Variants in GAB1 observed in about 807,000 individuals in gnomAD.
GAB1 encodes the protein GRB2 associated binding protein 1.
Under a neutral mutation model 66.5 loss-of-function variants are expected in GAB1, and 19 were observed. That is an observed-to-expected ratio of 0.29 (90% CI 0.20 to 0.42). GAB1 has a LOEUF of 0.42. Ranked by LOEUF, GAB1 falls within the 10% of genes least tolerant of loss-of-function variation. GAB1 has a pLI of 1.00. For synonymous variants in GAB1, 294 were observed against 301.4 expected (o/e 0.98, Z 0.25); for missense variants, 732 against 858.5 (o/e 0.85, Z 1.84).
At chr4:143,370,797 T>C (rs908025419) in intron 1 of GAB1, among the ~76,000 whole-genome samples, 1 of 152,166 alleles carries the variant, frequency 6.6e-6, no homozygotes, top group Non-Finnish European at 1.5e-5. Flanking sequence ...GAACATGCAG[T>C]GTTTGGTTTT....
chr4:143,468,845 C>G (rs942310530), intron 9 of GAB1, among the ~76,000 whole-genome samples, 186 bp from the exon 10 acceptor site: 3 of 152,060 alleles, frequency 2.0e-5, no homozygotes, highest in African/African-American at 7.2e-5. Context: ...ATTGCTTGAA[C>G]CCAGGAGGCG....
intron 1 of GAB1, among the ~76,000 whole-genome samples, chr4:143,396,358 C>A (rs1731455204): frequency 6.6e-6 from 1 of 152,074 alleles, no homozygotes; most frequent in Non-Finnish European, 1.5e-5. Flanking sequence ...ATGTTATAAA[C>A]CTTGAAAATG....
intron 1 of GAB1, among the ~76,000 whole-genome samples, chr4:143,375,889 A>C (rs891165749): frequency 1.3e-5 from 2 of 152,076 alleles, no homozygotes; most frequent in African/African-American, 4.8e-5. Context: ...CTGTGACAAC[A>C]AAAATGTCTG....
intron 2 of GAB1, among the ~76,000 whole-genome samples, chr4:143,431,532 G>A (rs191466261): frequency 2.0e-5 from 3 of 152,266 alleles, no homozygotes; most frequent in African/African-American, 7.2e-5. Context: ...CTTTAGCTGC[G>A]CGAAGTGGTC....
chr4:143,378,990 G>A (rs73853825), intron 1 of GAB1, among the ~76,000 whole-genome samples: 4,223 of 152,164 alleles, frequency 0.028, 203 homozygotes, highest in African/African-American at 0.098. Context: ...CCGAAGCCAG[G>A]AACTAGATGT....
rs1736175426 is a variant in GAB1, at chr4:143,473,785, G to GT, written c.*4597dup. On this transcript the variant is annotated 3_prime_UTR_variant, in exon 10 of 10. Transcript: ENST00000262994. The stretch of plus-strand genomic sequence containing the variant: ...ACTTTATAAAATCCCAACAATTGCT[G>GT]TAAGTCAGCACTTTGGTCCACTCAG... 6.6e-6 allele frequency: 1 copy of GT among 152,150 alleles called. No homozygotes were observed. Among genetic ancestry groups the GT allele is most frequent in the Non-Finnish European group, 1.5e-5 (1 of 68,028 alleles). 9.4% of individuals were successfully genotyped at this position (152,150 alleles called of 1,614,324 possible).
intron 3 of GAB1, chr4:143,434,128 C>G: frequency 7.7e-7 from 1 of 1,291,646 alleles, no homozygotes; most frequent in Non-Finnish European, 1.0e-6. Context: ...AGAGGAATAC[C>G]TTCTACTAGA....
intron 1 of GAB1, among the ~76,000 whole-genome samples, chr4:143,367,384 A>G (rs572134378): frequency 1.3e-5 from 2 of 152,324 alleles, no homozygotes; most frequent in Non-Finnish European, 2.9e-5. Context: ...ATATTTATTT[A>G]TACAATATAC....
chr4:143,357,258 A>G (rs1039663013), intron 1 of GAB1, among the ~76,000 whole-genome samples: 1 of 152,176 alleles, frequency 6.6e-6, no homozygotes, highest in African/African-American at 2.4e-5. Flanking sequence ...GTTCAACTCT[A>G]TATAGTATAG....
rs1728679054 is a variant in GAB1, at chr4:143,337,155, A to C, written c.-34A>C. The C allele has an allele frequency of 1.9e-6, 3 of 1,551,982 alleles. No homozygotes were observed. Among genetic ancestry groups the C allele is most frequent in the Non-Finnish European group, 2.6e-6 (3 of 1,146,586 alleles). ...GTCGGGAGCGCGCCCGCCGCCCCTCAGCTGCCCGGCCCGGAGCCCGAGACG... is the reference window on the plus strand; with the variant it reads ...GTCGGGAGCGCGCCCGCCGCCCCTCCGCTGCCCGGCCCGGAGCCCGAGACG... On this transcript the variant is annotated 5_prime_UTR_variant, in exon 1 of 10. Coordinates refer to ENST00000262994, the MANE Select transcript of GAB1 (RefSeq NM_002039.4).
At position 143,474,451 on chromosome 4, in the gene GAB1, C is replaced by T. The variant is rs917048347; in HGVS notation, c.*5262C>T. ...AATATTATGTGTCAACTTGGTGAGG[C>T]TATGGCGCCCATGTGTTTGGTCAAA... is the stretch of plus-strand genomic sequence containing the variant. On this transcript the variant is annotated 3_prime_UTR_variant, in exon 10 of 10. Transcript: ENST00000262994. The T allele has an allele frequency of 6.6e-5, 10 of 152,146 alleles. No homozygotes were observed. The highest frequency in any genetic ancestry group is 1.2e-4 in the Non-Finnish European group (8 of 68,034). The allele number at this position is 152,146 out of a possible 1,614,324, so 9.4% of individuals were successfully genotyped here.
intron 6 of GAB1, among the ~76,000 whole-genome samples, chr4:143,444,986 C>A (rs1734433363): frequency 1.3e-5 from 2 of 152,156 alleles, no homozygotes; most frequent in East Asian, 1.9e-4. Context: ...TTGATCCAGT[C>A]CACTGTTGAT....
intron 1 of GAB1, among the ~76,000 whole-genome samples, chr4:143,341,812 G>T (rs1389804103): frequency 6.6e-6 from 1 of 152,164 alleles, no homozygotes; most frequent in Non-Finnish European, 1.5e-5. Flanking sequence ...CATCTCCTTG[G>T]TTCAAGGACA....
intron 8 of GAB1, among the ~76,000 whole-genome samples, chr4:143,463,032 C>T (rs182401524): frequency 1.8e-3 from 277 of 152,260 alleles, no homozygotes; most frequent in African/African-American, 6.4e-3. Context: ...GAGGACATAC[C>T]TATCTACCAA....
intron 1 of GAB1, among the ~76,000 whole-genome samples, chr4:143,360,470 G>A (rs1729619195): frequency 6.6e-6 from 1 of 152,124 alleles, no homozygotes; most frequent in African/African-American, 2.4e-5. Context: ...TCAGAAGATT[G>A]AGATCTTTAA....
intron 2 of GAB1, among the ~76,000 whole-genome samples, chr4:143,430,196 A>T (rs369405694): frequency 3.9e-5 from 6 of 152,336 alleles, no homozygotes; most frequent in Admixed American, 2.6e-4. Flanking sequence ...ACATCTTTTG[A>T]AGAGGATCAA....
rs1477956028 is a variant in GAB1 at position 143,350,084 on chromosome 4, C to T, written c.72+12824C>T. Reference sequence around the variant, plus strand: ...CCCATCCCAGGGCCACCAGGGCCTCCGGGCCCTCCCGCTGCACCGGCGTCA... The same window carrying T: ...CCCATCCCAGGGCCACCAGGGCCTCTGGGCCCTCCCGCTGCACCGGCGTCA... On this transcript the variant is annotated intron_variant, in intron 1 of 9. Transcript: ENST00000262994. The T allele has an allele frequency of 8.4e-6, 12 of 1,421,928 alleles. 1 individual carries two copies. Among genetic ancestry groups the T allele is most frequent in the Admixed American group, 1.9e-5 (1 of 52,144 alleles). The allele number at this position is 1,421,928 out of a possible 1,614,324, so 88.1% of individuals were successfully genotyped here. A position where few individuals can be genotyped will look rare whatever the true frequency, so the allele number is the denominator to read the frequency against.
intron 1 of GAB1, among the ~76,000 whole-genome samples, chr4:143,363,898 C>T (rs1431381735): frequency 6.6e-6 from 1 of 152,072 alleles, no homozygotes; most frequent in African/African-American, 2.4e-5. Flanking sequence ...CATCATCCCT[C>T]GAGAATGACT....
chr4:143,337,140 C>G lies in GAB1; in HGVS notation c.-49C>G, dbSNP rs768402774. 6.6e-7 allele frequency: 1 copy of G among 1,518,882 alleles called. No homozygotes were observed. The highest frequency in any genetic ancestry group is 8.9e-7 in the Non-Finnish European group (1 of 1,120,860). The allele number at this position is 1,518,882 out of a possible 1,614,324, so 94.1% of individuals were successfully genotyped here. Reference sequence around the variant, plus strand: ...GCAGGCGTCGGCTGTGTCGGGAGCGCGCCCGCCGCCCCTCAGCTGCCCGGC... The same window carrying G: ...GCAGGCGTCGGCTGTGTCGGGAGCGGGCCCGCCGCCCCTCAGCTGCCCGGC... On this transcript the variant is annotated 5_prime_UTR_variant, in exon 1 of 10. Coordinates refer to ENST00000262994, the MANE Select transcript of GAB1 (RefSeq NM_002039.4).
Sources: allele counts gnomAD v4.1 joint callset (sites outside exome capture counted in the v4.1 genomes callset), GRCh38; gene constraint gnomAD v4.1.1; transcripts MANE v1.5; gene names NCBI Gene and HGNC (gene_info 2026-07-23, HGNC 2026-07-21).